CPNE4: variants seen among roughly 807,000 people sequenced by gnomAD.
CPNE4 encodes the protein copine-4.
Under a neutral mutation model 67.9 loss-of-function variants are expected in CPNE4, and 25 were observed. The observed-to-expected ratio is 0.37, with a 90% CI of 0.27 to 0.51. The LOEUF (loss-of-function observed/expected upper bound fraction) is 0.51. Among genes scored for constraint, CPNE4 ranks in the 20% least tolerant of loss-of-function variants. The probability of loss-of-function intolerance (pLI) is 0.93; values close to 1 mark genes in which losing one functional copy is unlikely to be tolerated. For missense variants in CPNE4, 464 were observed against 690.8 expected, an observed-to-expected ratio of 0.67 and a Z score of 3.68; for synonymous variants, 242 against 244.9, an observed-to-expected ratio of 0.99 and a Z score of 0.11.
At chr3:131,552,149 T>TTTATTATTA (rs149887152) in intron 13 of CPNE4, among the ~76,000 whole-genome samples, 4 of 150,728 alleles carry the variant, frequency 2.7e-5, no homozygotes, top group African/African-American at 7.3e-5. Context: ...TGAAGTTTCA[T>TTTATTATTA]TTATTATTAT....
intron 7 of CPNE4, among the ~76,000 whole-genome samples, chr3:131,662,397 T>C (rs533357761): frequency 6.6e-6 from 1 of 152,284 alleles, no homozygotes; most frequent in East Asian, 1.9e-4. Flanking sequence ...GGATTTCTTA[T>C]AGGAGGAAGA....
At chr3:131,887,202 C>T (rs1363706209) in intron 2 of CPNE4, among the ~76,000 whole-genome samples, 1 of 152,198 alleles carries the variant, frequency 6.6e-6, no homozygotes, top group African/African-American at 2.4e-5. Context: ...GAATAAGTCT[C>T]ACAAGATCTG....
intron 1 of CPNE4, among the ~76,000 whole-genome samples, chr3:131,999,817 G>C (rs2073383912): frequency 6.6e-6 from 1 of 151,998 alleles, no homozygotes. Flanking sequence ...AGTGCAGCTA[G>C]AGCATACTAA....
intron 2 of CPNE4, among the ~76,000 whole-genome samples, chr3:131,809,033 G>C (rs1479127128): frequency 6.6e-6 from 1 of 152,094 alleles, no homozygotes; most frequent in East Asian, 1.9e-4. Context: ...TTGTGTAAGT[G>C]CGTGCATGTG....
chr3:131,753,097 T>C (rs2082670729), intron 2 of CPNE4, among the ~76,000 whole-genome samples: 1 of 151,756 alleles, frequency 6.6e-6, no homozygotes, highest in Non-Finnish European at 1.5e-5. Context: ...TAGATCCATG[T>C]AACAAAATAG....
chr3:131,769,585 G>C (rs2083112135), intron 2 of CPNE4, among the ~76,000 whole-genome samples: 1 of 152,146 alleles, frequency 6.6e-6, no homozygotes, highest in African/African-American at 2.4e-5. Flanking sequence ...AGGATAAAAT[G>C]CTACCTTCAA....
At chr3:131,537,187 T>C (rs1474742561) in intron 15 of CPNE4, among the ~76,000 whole-genome samples, 2 of 152,102 alleles carry the variant, frequency 1.3e-5, no homozygotes, top group Non-Finnish European at 2.9e-5. Flanking sequence ...GTATTAAATA[T>C]GAAATATTAG....
chr3:131,903,483 C>T (rs1005663582), intron 2 of CPNE4, among the ~76,000 whole-genome samples: 2 of 151,794 alleles, frequency 1.3e-5, no homozygotes, highest in Admixed American at 1.3e-4. Context: ...ACAAAAAAAA[C>T]CTAGCTGCGG....
At chr3:131,939,027 CT>C (rs747456517) in intron 1 of CPNE4, among the ~76,000 whole-genome samples, 2 of 152,118 alleles carry the variant, frequency 1.3e-5, no homozygotes, top group Non-Finnish European at 2.9e-5. Context: ...TCTTGCACCA[CT>C]AATGGAAATG....
intron 1 of CPNE4, among the ~76,000 whole-genome samples, chr3:131,945,225 C>G (rs1466217196): frequency 6.6e-6 from 1 of 152,026 alleles, no homozygotes; most frequent in African/African-American, 2.4e-5. Flanking sequence ...CTCTCAAAAC[C>G]TGGTAACAAA....
At chr3:131,595,560 A>G (rs1274271781) in intron 7 of CPNE4, among the ~76,000 whole-genome samples, 2 of 152,328 alleles carry the variant, frequency 1.3e-5, no homozygotes, top group East Asian at 3.9e-4. Flanking sequence ...TGAGGGCCTC[A>G]GGAAGCTTGC....
At chr3:131,987,101 T>C (rs1214847128) in intron 1 of CPNE4, among the ~76,000 whole-genome samples, 1 of 152,196 alleles carries the variant, frequency 6.6e-6, no homozygotes, top group African/African-American at 2.4e-5. Context: ...TGTGCACATA[T>C]TCAAATGTGT....
At chr3:131,918,937 T>C (rs1034589322) in intron 1 of CPNE4, among the ~76,000 whole-genome samples, 4 of 152,130 alleles carry the variant, frequency 2.6e-5, no homozygotes, top group African/African-American at 9.7e-5. Flanking sequence ...CATATTGCAT[T>C]TGGGAATATT....
At chr3:131,812,617 T>C (rs2084580262) in intron 2 of CPNE4, among the ~76,000 whole-genome samples, 1 of 152,240 alleles carries the variant, frequency 6.6e-6, no homozygotes, top group Non-Finnish European at 1.5e-5. Context: ...CCTGAGAGCA[T>C]GCACAACCAT....
At chr3:131,849,402 G>T (rs560108423) in intron 2 of CPNE4, among the ~76,000 whole-genome samples, 1 of 152,258 alleles carries the variant, frequency 6.6e-6, no homozygotes, top group Non-Finnish European at 1.5e-5. Flanking sequence ...GATGGAAGGG[G>T]AGGGAAACAG....
intron 1 of CPNE4, among the ~76,000 whole-genome samples, chr3:131,952,082 G>A (rs1262026629): frequency 7.4e-5 from 11 of 148,294 alleles, no homozygotes; most frequent in African/African-American, 9.9e-5. Context: ...AGTGAGGAGC[G>A]TCTCTGCCCG....
intron 2 of CPNE4, among the ~76,000 whole-genome samples, chr3:131,786,914 T>C (rs1452257350): frequency 1.3e-5 from 2 of 152,308 alleles, no homozygotes; most frequent in East Asian, 3.9e-4. Flanking sequence ...AATGATGCTA[T>C]CCTTCTACAA....
At chr3:131,644,048 G>T (rs2079602542) in intron 7 of CPNE4, among the ~76,000 whole-genome samples, 1 of 152,102 alleles carries the variant, frequency 6.6e-6, no homozygotes, top group South Asian at 2.1e-4. Context: ...CACACTTTTG[G>T]CATAGTCTGT....
At chr3:131,953,238 TTAAAAA>T (rs2071825400) in intron 1 of CPNE4, among the ~76,000 whole-genome samples, 1 of 75,698 alleles carries the variant, frequency 1.3e-5, no homozygotes, top group African/African-American at 5.0e-5. Context: ...GAATGATCAA[TTAAAAA>T]AAAAAAAAAA....
Sources: allele counts gnomAD v4.1 joint callset (sites outside exome capture counted in the v4.1 genomes callset), GRCh38; gene constraint gnomAD v4.1.1; transcripts MANE v1.5; gene names NCBI Gene and HGNC (gene_info 2026-07-23, HGNC 2026-07-21).